The following CSMD1 variants were observed in gnomAD, a reference collection of about 807,000 sequenced individuals.
CSMD1 encodes CUB and Sushi multiple domains 1.
A neutral mutation model predicts 417.5 loss-of-function variants in CSMD1; 213 were observed. That is an observed-to-expected ratio of 0.51 (90% confidence interval 0.46 to 0.57). CSMD1 has a LOEUF of 0.57. Among genes scored for constraint, CSMD1 ranks in the 20% least tolerant of loss-of-function variants. The pLI, the probability that CSMD1 is intolerant of heterozygous loss-of-function variation, is 0.00. For synonymous variants in CSMD1, 2,862 were observed against 1,736.8 expected, an observed-to-expected ratio of 1.65 and a Z score of -16.11; for missense variants, 6,923 against 4,529.7, an observed-to-expected ratio of 1.53 and a Z score of -15.17.
intron 30 of CSMD1, among the ~76,000 whole-genome samples, chr8:3,206,930 G>A (rs773190854): frequency 1.1e-4 from 17 of 152,028 alleles, no homozygotes; most frequent in Non-Finnish European, 2.1e-4. Flanking sequence ...GGCCAAGTCA[G>A]CTCCCCTCAT....
intron 4 of CSMD1, among the ~76,000 whole-genome samples, chr8:4,019,038 T>C (rs1327985347): frequency 2.0e-5 from 3 of 152,248 alleles, no homozygotes; most frequent in Non-Finnish European, 4.4e-5. Flanking sequence ...AGATGAAATC[T>C]TTATCGCTTT....
intron 12 of CSMD1, among the ~76,000 whole-genome samples, chr8:3,441,245 G>C (rs907061737): frequency 2.0e-5 from 3 of 152,038 alleles, no homozygotes; most frequent in Non-Finnish European, 4.4e-5. Context: ...TTTTGGACTT[G>C]TGGCCTCCAG....
chr8:3,748,760 A>C (rs924403733), intron 6 of CSMD1, among the ~76,000 whole-genome samples: 1 of 152,210 alleles, frequency 6.6e-6, no homozygotes, highest in Admixed American at 6.5e-5. Context: ...TAATAACATG[A>C]AAGTCTTCAT....
chr8:4,090,201 G>A (rs777655109), intron 3 of CSMD1, among the ~76,000 whole-genome samples: 7 of 152,136 alleles, frequency 4.6e-5, no homozygotes, highest in Non-Finnish European at 1.0e-4. Context: ...TACAGTACAT[G>A]ATTGTCTTAA....
chr8:4,710,071 G>A (rs1017038379), intron 1 of CSMD1, among the ~76,000 whole-genome samples: 2 of 151,964 alleles, frequency 1.3e-5, no homozygotes, highest in Non-Finnish European at 2.9e-5. Flanking sequence ...GGAAAATCTG[G>A]GGCAAGAACA....
intron 2 of CSMD1, among the ~76,000 whole-genome samples, chr8:4,567,673 C>T (rs148090417): frequency 6.6e-6 from 1 of 152,100 alleles, no homozygotes; most frequent in Non-Finnish European, 1.5e-5. Flanking sequence ...TTCTTCTGCC[C>T]AGATGCTGAT....
At chr8:3,459,526 A>T (rs886142266) in intron 12 of CSMD1, among the ~76,000 whole-genome samples, 2 of 152,188 alleles carry the variant, frequency 1.3e-5, no homozygotes, top group Admixed American at 6.5e-5. Context: ...ATGAGAGCAG[A>T]GAACATGATA....
intron 5 of CSMD1, among the ~76,000 whole-genome samples, chr8:3,762,203 C>A (rs956860027): frequency 6.6e-6 from 1 of 152,158 alleles, no homozygotes; most frequent in Non-Finnish European, 1.5e-5. Flanking sequence ...GGGCGCCATG[C>A]AAAGCCCCAT....
chr8:3,054,155 G>A (rs962976743), intron 49 of CSMD1, among the ~76,000 whole-genome samples: 1 of 152,100 alleles, frequency 6.6e-6, no homozygotes, highest in Admixed American at 6.5e-5. Context: ...GGAGTTCCTT[G>A]GTTTGCTGTA....
At chr8:4,628,421 T>C (rs551928800) in intron 2 of CSMD1, among the ~76,000 whole-genome samples, 8 of 112,234 alleles carry the variant, frequency 7.1e-5, no homozygotes, top group South Asian at 3.3e-4. Flanking sequence ...TATATATACA[T>C]ATATATACAC....
intron 10 of CSMD1, among the ~76,000 whole-genome samples, chr8:3,557,908 C>T (rs1799227006): frequency 6.6e-6 from 1 of 152,132 alleles, no homozygotes; most frequent in African/African-American, 2.4e-5. Flanking sequence ...GTTATACGGT[C>T]AACTCCCTAA....
intron 2 of CSMD1, among the ~76,000 whole-genome samples, chr8:4,569,493 A>T (rs1798779929): frequency 1.3e-5 from 2 of 151,980 alleles, no homozygotes; most frequent in Non-Finnish European, 2.9e-5. Flanking sequence ...GTTCTGTTCC[A>T]TTGGTCTCTA....
At chr8:3,453,897 A>T (rs1228120265) in intron 12 of CSMD1, among the ~76,000 whole-genome samples, 1 of 152,068 alleles carries the variant, frequency 6.6e-6, no homozygotes, top group Non-Finnish European at 1.5e-5. Flanking sequence ...GAAATGTCTG[A>T]TGTTGACAGT....
chr8:4,620,357 G>C (rs1226286395), intron 2 of CSMD1, among the ~76,000 whole-genome samples: 2 of 151,380 alleles, frequency 1.3e-5, no homozygotes, highest in Non-Finnish European at 3.0e-5. Flanking sequence ...TACTAACATA[G>C]ACATCAATAT....
chr8:3,489,366 G>A (rs920678687), intron 11 of CSMD1, among the ~76,000 whole-genome samples: 7 of 152,148 alleles, frequency 4.6e-5, no homozygotes, highest in African/African-American at 2.4e-5. Context: ...AGAGGGACGG[G>A]CATTTTAAAA....
At chr8:2,940,959 TC>T (rs1411688742) in intron 69 of CSMD1, among the ~76,000 whole-genome samples, 5 of 152,196 alleles carry the variant, frequency 3.3e-5, no homozygotes, top group African/African-American at 1.2e-4. Flanking sequence ...TTTGTGTATA[TC>T]CCTTTAAGAA....
chr8:3,457,035 C>A lies in CSMD1; in HGVS notation c.1561+11677G>T, dbSNP rs374076804. 3.9e-5 allele frequency among the ~76,000 whole-genome samples: 6 copies of A among 151,930 alleles called. No homozygotes were observed. The South Asian group carries it at 6.2e-4, about 16-fold the overall frequency. On this transcript the variant is annotated intron_variant, in intron 12 of 69. Coordinates refer to ENST00000635120, the MANE Select transcript of CSMD1 (RefSeq NM_033225.6). Reference sequence around the variant, plus strand: ...GCACATCTCATCCTGGACCCCTTCACCTGTACCCCTCATTCTGTACTCCTC... The same window carrying A: ...GCACATCTCATCCTGGACCCCTTCAACTGTACCCCTCATTCTGTACTCCTC...
In CSMD1 at chr8:2,942,580, G is replaced by T; in HGVS notation, c.10427C>A (p.Ser3476Tyr). The part of the protein sequence containing the change: ...RQDPLNPDQD[S>Y]SSHYHGTSSG... ...GCTGGTGCCGTGGTAATGACTGGAA[G>T]AGTCTTGATCTGGGTTTAAAGGATC... The change falls in exon 69 of 70, where the codon TCT becomes TAT. Residue 3476 changes from serine to tyrosine, a missense_variant. Ser to Tyr is a moderately radical substitution (Grantham distance 144). Transcript: ENST00000635120. The T allele has an allele frequency of 6.3e-7, 1 of 1,599,286 alleles. No individual in the cohort carries two copies. Among genetic ancestry groups the T allele is most frequent in the Non-Finnish European group, 8.5e-7 (1 of 1,172,028 alleles).
chr8:3,284,097 C>A (rs1010554430), intron 26 of CSMD1, 47 bp downstream of exon 26: 3 of 1,402,404 alleles, frequency 2.1e-6, no homozygotes, highest in Non-Finnish European at 9.9e-7. Context: ...GTGTTCATGA[C>A]AAGACTTTGA....
Sources: allele counts gnomAD v4.1 joint callset (sites outside exome capture counted in the v4.1 genomes callset), GRCh38; gene constraint gnomAD v4.1.1; transcripts MANE v1.5; gene names NCBI Gene and HGNC (gene_info 2026-07-23, HGNC 2026-07-21).